The following ANKFN1 variants were observed in gnomAD, a reference collection of about 807,000 sequenced individuals.
ANKFN1 encodes the protein ankyrin repeat and fibronectin type III domain containing 1, also known as ankyrin repeat and fibronectin type-III domain-containing protein 1.
A neutral mutation model predicts 108.7 loss-of-function variants in ANKFN1; 74 were observed. The observed-to-expected ratio is 0.68, with a 90% CI of 0.56 to 0.83. ANKFN1 has a LOEUF of 0.83. Among genes scored for constraint, ANKFN1 ranks in the 40% least tolerant of loss-of-function variants. The probability of loss-of-function intolerance (pLI) is 0.00; values close to 1 mark genes in which losing one functional copy is unlikely to be tolerated. For missense variants in ANKFN1, 1,505 were observed against 1,382.3 expected, an observed-to-expected ratio of 1.09 and a Z score of -1.41; for synonymous variants, 547 against 516.2, an observed-to-expected ratio of 1.06 and a Z score of -0.81.
chr17:56,411,421 A>G (rs538220757), intron 8 of ANKFN1, among the ~76,000 whole-genome samples: 3 of 152,230 alleles, frequency 2.0e-5, no homozygotes, highest in Non-Finnish European at 4.4e-5. Flanking sequence ...TATATGTAAG[A>G]TCATGTTATC....
intron 4 of ANKFN1, among the ~76,000 whole-genome samples, chr17:56,103,104 C>A (rs1905679372): frequency 6.6e-6 from 1 of 152,148 alleles, no homozygotes; most frequent in African/African-American, 2.4e-5. Context: ...ATCTGGATAT[C>A]TACAAAATGA....
intron 8 of ANKFN1, among the ~76,000 whole-genome samples, chr17:56,414,249 G>A (rs2048176634): frequency 6.6e-6 from 1 of 152,146 alleles, no homozygotes; most frequent in Non-Finnish European, 1.5e-5. Flanking sequence ...TTTTGGAATA[G>A]CTTCAATAGG....
At chr17:56,094,674 G>A (rs1905492736) in intron 4 of ANKFN1, among the ~76,000 whole-genome samples, 1 of 65,158 alleles carries the variant, frequency 1.5e-5, no homozygotes, top group Non-Finnish European at 3.4e-5. Flanking sequence ...CAGCTAATTG[G>A]GTTTTTTTTT....
chr17:56,195,794 C>A (rs1913452815), intron 1 of ANKFN1, among the ~76,000 whole-genome samples: 1 of 151,932 alleles, frequency 6.6e-6, no homozygotes. Flanking sequence ...CATAACAGGG[C>A]ATGTATCTTT....
At chr17:56,135,830 A>C (rs1307723803) in intron 4 of ANKFN1, among the ~76,000 whole-genome samples, 7 of 152,244 alleles carry the variant, frequency 4.6e-5, no homozygotes, top group African/African-American at 1.7e-4. Flanking sequence ...AGTTTATTCA[A>C]GAATGAACAT....
chr17:56,335,988 G>A (rs1279183087), intron 4 of ANKFN1, among the ~76,000 whole-genome samples: 3 of 152,150 alleles, frequency 2.0e-5, no homozygotes, highest in Non-Finnish European at 2.9e-5. Flanking sequence ...GGTTTTTGTC[G>A]TTGGTTCTGT....
At chr17:56,415,518 CTCTACA>C (rs2048217739) in intron 8 of ANKFN1, among the ~76,000 whole-genome samples, 1 of 152,072 alleles carries the variant, frequency 6.6e-6, no homozygotes, top group Non-Finnish European at 1.5e-5. Context: ...AGTGAAAGAT[CTCTACA>C]ATGAAAACTA....
chr17:56,079,632 C>T (rs1215221278), intron 4 of ANKFN1, among the ~76,000 whole-genome samples: 2 of 152,134 alleles, frequency 1.3e-5, no homozygotes, highest in Non-Finnish European at 2.9e-5. Context: ...ACTATCAGGA[C>T]TGGGCTGGAT....
chr17:56,422,560 T>A (rs1178541937), intron 8 of ANKFN1, among the ~76,000 whole-genome samples: 1 of 152,144 alleles, frequency 6.6e-6, no homozygotes, highest in Non-Finnish European at 1.5e-5. Flanking sequence ...AATTTTTAGA[T>A]AAATATTCAG....
intron 15 of ANKFN1, chr17:56,472,446 A>G (rs1191525957): frequency 1.3e-5 from 2 of 152,198 alleles, no homozygotes; most frequent in Admixed American, 6.5e-5. Context: ...TCTCTGATCA[A>G]TGACGAGAAG....
At chr17:56,388,150 T>C (rs1371048845) in intron 8 of ANKFN1, among the ~76,000 whole-genome samples, 1 of 152,106 alleles carries the variant, frequency 6.6e-6, no homozygotes, top group Non-Finnish European at 1.5e-5. Context: ...TTCTTTCTTT[T>C]TTTTTTGAGA....
intron 3 of ANKFN1, among the ~76,000 whole-genome samples, chr17:56,285,040 C>T (rs908312244): frequency 6.6e-6 from 1 of 152,182 alleles, no homozygotes; most frequent in Admixed American, 6.5e-5. Flanking sequence ...ATAAATATTA[C>T]AGTATTTTTT....
At chr17:56,249,109 T>C (rs2043179868) in intron 3 of ANKFN1, among the ~76,000 whole-genome samples, 1 of 152,104 alleles carries the variant, frequency 6.6e-6, no homozygotes, top group African/African-American at 2.4e-5. Flanking sequence ...GTGAAGATCA[T>C]CCTAACCTTT....
intron 2 of ANKFN1, among the ~76,000 whole-genome samples, chr17:56,214,703 T>A (rs538607176): frequency 6.6e-6 from 1 of 152,272 alleles, no homozygotes; most frequent in South Asian, 2.1e-4. Flanking sequence ...TCCCCTGACC[T>A]TTCCATCACT....
intron 3 of ANKFN1, among the ~76,000 whole-genome samples, chr17:56,323,953 C>T (rs540227095): frequency 6.6e-6 from 1 of 152,224 alleles, no homozygotes; most frequent in African/African-American, 2.4e-5. Context: ...AGAGCAGGGA[C>T]CCTAACAGCC....
chr17:56,213,189 C>T (rs1015547975), intron 2 of ANKFN1, among the ~76,000 whole-genome samples: 5 of 152,216 alleles, frequency 3.3e-5, no homozygotes, highest in Non-Finnish European at 5.9e-5. Context: ...GGGTTTCTAA[C>T]TACCCTTCTC....
At chr17:56,213,811 T>G (rs1396769014) in intron 2 of ANKFN1, among the ~76,000 whole-genome samples, 3 of 152,214 alleles carry the variant, frequency 2.0e-5, no homozygotes, top group Non-Finnish European at 2.9e-5. Flanking sequence ...ATTTAATATA[T>G]GCTGAAATCC....
intron 3 of ANKFN1, among the ~76,000 whole-genome samples, chr17:56,230,275 G>T (rs865937755): frequency 6.6e-6 from 1 of 152,074 alleles, no homozygotes; most frequent in African/African-American, 2.4e-5. Flanking sequence ...TAATGGCTAA[G>T]TCCCAGTTCA....
At chr17:56,377,155 A>C (rs1207735827) in intron 8 of ANKFN1, among the ~76,000 whole-genome samples, 1 of 152,196 alleles carries the variant, frequency 6.6e-6, no homozygotes, top group Non-Finnish European at 1.5e-5. Flanking sequence ...GGGTTCAGCA[A>C]AACCTCAAGC....
Sources: gnomAD v4.1 joint callset for allele counts (sites outside exome capture counted in the v4.1 genomes callset) on GRCh38, gnomAD v4.1.1 for gene constraint, MANE v1.5 for transcripts, NCBI Gene and HGNC (gene_info 2026-07-23, HGNC 2026-07-21) for gene names.